DCDC1: variants seen among roughly 807,000 people sequenced by gnomAD.
DCDC1 encodes the protein doublecortin domain-containing protein 1.
A neutral mutation model predicts 178.3 loss-of-function variants in DCDC1; 200 were observed. That is an observed-to-expected ratio of 1.12 (90% confidence interval 1.00 to 1.26). DCDC1 has a LOEUF of 1.26. Ranked by LOEUF, DCDC1 falls within the 50% of genes most tolerant of loss-of-function variation. The pLI is 0.00. For synonymous variants in DCDC1, 690 were observed against 604.8 expected (o/e 1.14, Z -2.07); for missense variants, 1,983 against 1,749.2 (o/e 1.13, Z -2.38).
chr11:31,017,533 ATT>A (rs1952561094), intron 20 of DCDC1, among the ~76,000 whole-genome samples: 1 of 151,710 alleles, frequency 6.6e-6, no homozygotes, highest in Admixed American at 6.5e-5. Flanking sequence ...AACTACAGTT[ATT>A]TTATTTATCA....
intron 8 of DCDC1, among the ~76,000 whole-genome samples, chr11:31,252,690 G>A (rs1189597315): frequency 6.6e-6 from 1 of 151,936 alleles, no homozygotes; most frequent in Non-Finnish European, 1.5e-5. Context: ...AGAGGCTAGG[G>A]ATATTTAACC....
At chr11:31,011,635 A>C (rs1952173443) in intron 20 of DCDC1, among the ~76,000 whole-genome samples, 2 of 152,334 alleles carry the variant, frequency 1.3e-5, no homozygotes, top group South Asian at 4.1e-4. Context: ...CCTACGCTAT[A>C]GTAGAACCAC....
chr11:31,034,066 C>A (rs922969985), intron 20 of DCDC1, among the ~76,000 whole-genome samples: 1 of 151,322 alleles, frequency 6.6e-6, no homozygotes, highest in Admixed American at 6.6e-5. Flanking sequence ...ATTGCTTGAA[C>A]CCAGGAGGCG....
At position 30,922,627 on chromosome 11, in the gene DCDC1, T is replaced by C. The variant is rs1946322422; in HGVS notation, c.3009A>G (p.Ser1003=). Residue 1003 remains serine (S), a synonymous_variant, in exon 24 of 39, where the codon TCA becomes TCG. Coordinates refer to ENST00000684477, the MANE Select transcript of DCDC1 (RefSeq NM_001387274.1). ...CAGGATTGATCCAGAGTTCTCCACA[T>C]GAAACATACACCTATCAAACAAAGC... The part of the protein sequence containing the change: ...DLQRDELVYV[S]CGELWINPDL... 1 of 1,554,606 alleles carries C rather than the reference T, an allele frequency of 6.4e-7. No individual in the cohort carries two copies. Among genetic ancestry groups the C allele is most frequent in the African/African-American group, 1.4e-5 (1 of 71,364 alleles).
chr11:31,132,998 T>C (rs1368768735), intron 10 of DCDC1, among the ~76,000 whole-genome samples: 1 of 152,232 alleles, frequency 6.6e-6, no homozygotes, highest in Non-Finnish European at 1.5e-5. Flanking sequence ...ATCATGTTTG[T>C]ATGGTGTATG....
chr11:30,911,522 C>G (rs1158057840), intron 27 of DCDC1, 102 bp from the exon 28 acceptor site: 2 of 818,724 alleles, frequency 2.4e-6, no homozygotes, highest in African/African-American at 3.4e-5. Flanking sequence ...CATGCATGCT[C>G]TGTAATAATG....
intron 36 of DCDC1, among the ~76,000 whole-genome samples, chr11:30,888,010 A>AAAAG (rs1437227335): frequency 6.7e-6 from 1 of 148,530 alleles, no homozygotes. Flanking sequence ...TCAAAAAAAA[A>AAAAG]AAAGAAAGAA....
chr11:31,354,640 G>C (rs1951239581), intron 1 of DCDC1, among the ~76,000 whole-genome samples: 1 of 152,152 alleles, frequency 6.6e-6, no homozygotes, highest in African/African-American at 2.4e-5. Flanking sequence ...CGCAAAAAGT[G>C]AACAGTGTAG....
At chr11:31,213,666 G>A (rs537374880) in intron 9 of DCDC1, among the ~76,000 whole-genome samples, 1 of 151,248 alleles carries the variant, frequency 6.6e-6, no homozygotes. Flanking sequence ...GTTGCAGTTA[G>A]CCGAGATCAC....
rs57629713 is a variant in DCDC1 at position 31,298,084 on chromosome 11, C to T, written c.755-7232G>A. Among the ~76,000 whole-genome samples, 1,175 of 152,298 alleles carry T rather than the reference C, an allele frequency of 7.7e-3. 12 individuals are homozygous for T. Among genetic ancestry groups the T allele is most frequent in the African/African-American group, 0.027 (1,121 of 41,558 alleles). On this transcript the variant is annotated intron_variant, in intron 6 of 38. Transcript: ENST00000684477. ...TTGACTGAGACCTGTCTCAGATATT[C>T]CGAGTTCACAAATCTCAACGGCAGT...
At chr11:31,357,607 G>A (rs549639915) in intron 1 of DCDC1, among the ~76,000 whole-genome samples, 1 of 152,186 alleles carries the variant, frequency 6.6e-6, no homozygotes, top group South Asian at 2.1e-4. Flanking sequence ...GCAGGAGAAG[G>A]AAATAAAGGG....
chr11:31,201,797 A>G (rs568377555), intron 9 of DCDC1, among the ~76,000 whole-genome samples: 1 of 152,278 alleles, frequency 6.6e-6, no homozygotes, highest in East Asian at 1.9e-4. Context: ...ACAGTGGGGT[A>G]AAAATAAGAC....
intron 9 of DCDC1, among the ~76,000 whole-genome samples, chr11:31,158,349 C>T (rs1319603412): frequency 2.0e-5 from 3 of 151,930 alleles, no homozygotes; most frequent in Admixed American, 2.0e-4. Flanking sequence ...GATCTCCTGA[C>T]CTTGTGATCT....
chr11:31,242,170 TAAAC>T (rs1167686729), intron 8 of DCDC1, among the ~76,000 whole-genome samples: 2 of 151,930 alleles, frequency 1.3e-5, no homozygotes, highest in Non-Finnish European at 2.9e-5. Flanking sequence ...GGCAGAATCT[TAAAC>T]AAGCATTTTA....
intron 11 of DCDC1, among the ~76,000 whole-genome samples, chr11:31,124,080 G>A (rs1192106688): frequency 6.6e-6 from 1 of 152,006 alleles, no homozygotes; most frequent in African/African-American, 2.4e-5. Flanking sequence ...GTGAGAGAAG[G>A]CATCCTTGTC....
intron 10 of DCDC1, 78 bp downstream of exon 10, chr11:31,137,614 C>T (rs191379479): frequency 2.8e-5 from 18 of 643,052 alleles, no homozygotes; most frequent in East Asian, 2.3e-4. Context: ...TCCCAAAGTG[C>T]GGGGATTACA....
intron 17 of DCDC1, among the ~76,000 whole-genome samples, chr11:31,081,762 C>A (rs930360596): frequency 5.3e-5 from 8 of 152,052 alleles, no homozygotes; most frequent in African/African-American, 1.9e-4. Context: ...TAATCTATAA[C>A]CTCTGGGAGC....
At chr11:31,033,395 T>C (rs1953801238) in intron 20 of DCDC1, among the ~76,000 whole-genome samples, 1 of 152,190 alleles carries the variant, frequency 6.6e-6, no homozygotes, top group African/African-American at 2.4e-5. Flanking sequence ...TCCTAATTTC[T>C]GCTGTTCTGA....
intron 9 of DCDC1, among the ~76,000 whole-genome samples, chr11:31,184,858 T>G (rs1356562537): frequency 6.6e-6 from 1 of 151,756 alleles, no homozygotes; most frequent in Non-Finnish European, 1.5e-5. Context: ...AGACAGATCC[T>G]CAAGGATCTA....
Sources: gnomAD v4.1 joint callset for allele counts (sites outside exome capture counted in the v4.1 genomes callset) on GRCh38, gnomAD v4.1.1 for gene constraint, MANE v1.5 for transcripts, NCBI Gene and HGNC (gene_info 2026-07-23, HGNC 2026-07-21) for gene names.